Variants in CHPT1 observed in about 807,000 individuals in gnomAD.
CHPT1 encodes choline phosphotransferase 1.
Under a neutral mutation model 47.6 loss-of-function variants are expected in CHPT1, and 36 were observed. The ratio of observed to expected loss-of-function variants is 0.76; its 90% CI spans 0.58 to 1.00. The LOEUF is 1.00. CHPT1 is among the 50% of genes least tolerant of loss of function. The pLI is 0.00. For missense variants in CHPT1, 458 were observed against 498.1 expected (o/e 0.92, Z 0.77); for synonymous variants, 194 against 186.3 (o/e 1.04, Z -0.33).
At chr12:101,728,735 C>A in intron 8 of CHPT1, 166 bp from the exon 9 acceptor site, 1 of 714,828 alleles carries the variant, frequency 1.4e-6, no homozygotes, top group South Asian at 2.0e-5. Context: ...AATACATATT[C>A]TTTAGGAATA....
At chr12:101,717,568 ATAT>A (rs375879506) in intron 4 of CHPT1, among the ~76,000 whole-genome samples, 1 of 152,188 alleles carries the variant, frequency 6.6e-6, no homozygotes, top group Non-Finnish European at 1.5e-5. Flanking sequence ...TATAAAATAG[ATAT>A]TATTAGTATT....
At chr12:101,725,290 G>C (rs745691897) in intron 7 of CHPT1, among the ~76,000 whole-genome samples, 1 of 151,618 alleles carries the variant, frequency 6.6e-6, no homozygotes, top group Non-Finnish European at 1.5e-5. Context: ...GGTGGACAAT[G>C]AACGTTTTCA....
chr12:101,705,333 G>GT (rs1951616389), intron 1 of CHPT1, among the ~76,000 whole-genome samples: 2 of 90,570 alleles, frequency 2.2e-5, no homozygotes, highest in Non-Finnish European at 4.1e-5. Context: ...AAAGTGCTGG[G>GT]ATTACAGGCA....
intron 7 of CHPT1, among the ~76,000 whole-genome samples, chr12:101,724,202 C>T (rs1173456709): frequency 1.4e-5 from 2 of 144,848 alleles, no homozygotes; most frequent in Non-Finnish European, 3.0e-5. Flanking sequence ...CTGGGTGACA[C>T]AGCGAGACTG....
Position 101,723,749 on chromosome 12 carries a change from T to A in CHPT1, c.967T>A (p.Tyr323Asn). ...VVAHMTKSEL[Y>N]LQDTVFLGPG... ...AGCTCACATGACCAAAAGTGAACTA[T>A]ATCTTCAAGACACTGTCTTTTTGGG... Residue 323 changes from tyrosine to asparagine, a missense_variant, in exon 7 of 9, where the codon TAT (tyrosine) becomes AAT (asparagine). Physicochemically the swap from Tyr to Asn is moderately radical, Grantham distance 143. Coordinates refer to ENST00000229266, the MANE Select transcript of CHPT1 (RefSeq NM_020244.3). The A allele has an allele frequency of 6.3e-7, 1 of 1,581,170 alleles. No individual in the cohort carries two copies.
Position 101,716,792 on chromosome 12 carries a change from G to A in CHPT1, c.628G>A (p.Ala210Thr). Residue 210 changes from alanine to threonine, a missense_variant, in exon 4 of 9, where the codon GCA becomes ACA. Coordinates refer to ENST00000229266, the MANE Select transcript of CHPT1 (RefSeq NM_020244.3). ...CTTTGTGTTGTCTGCATTTGGAGGA[G>A]CAACAATGTGGGACTATACGGTAAA... ...IVFVLSAFGG[A>T]TMWDYTIPIL... 1 of 1,603,262 alleles carries A rather than the reference G, an allele frequency of 6.2e-7. No homozygotes were observed. The highest frequency in any genetic ancestry group is 2.2e-5 in the East Asian group (1 of 44,552).
intron 1 of CHPT1, among the ~76,000 whole-genome samples, chr12:101,713,745 G>A (rs1010153600): frequency 3.2e-4 from 48 of 152,006 alleles, no homozygotes; most frequent in African/African-American, 1.1e-3. Context: ...TGGCCCCTAA[G>A]GTCTTTTTTC....
intron 5 of CHPT1, 129 bp from the exon 6 acceptor site, chr12:101,723,039 T>C (rs1594143099): frequency 5.2e-6 from 4 of 765,992 alleles, no homozygotes; most frequent in Non-Finnish European, 8.6e-6. Context: ...GTTTGTATAC[T>C]CCTGTAGGCC....
intron 7 of CHPT1, 36 bp downstream of exon 7, chr12:101,723,883 A>G (rs756286764): frequency 1.4e-6 from 2 of 1,421,290 alleles, no homozygotes; most frequent in Admixed American, 1.8e-5. Flanking sequence ...ATTTTTTAAC[A>G]ATGCTTAAGA....
chr12:101,716,697 A>T, intron 3 of CHPT1, 31 bp from the exon 4 acceptor site: 1 of 1,416,956 alleles, frequency 7.1e-7, no homozygotes. Context: ...ATTTACAAAC[A>T]CCTTATCTAT....
chr12:101,728,918 A>G lies in CHPT1; in HGVS notation c.1194A>G (p.Ser398=). Reference sequence around the variant, plus strand: ...TTACTTAGGTTCAAGTTCTTTCTTCAAAGAGTCATCAGAATAACATGGATT... The same window carrying G: ...TTACTTAGGTTCAAGTTCTTTCTTCGAAGAGTCATCAGAATAACATGGATT... ...QAPEQVQVLS[S]KSHQNNMD Residue 398 remains serine (S), a synonymous_variant, in exon 9 of 9, where the codon TCA becomes TCG. Coordinates refer to ENST00000229266, the MANE Select transcript of CHPT1 (RefSeq NM_020244.3). 1 of 1,613,482 alleles carries G rather than the reference A, an allele frequency of 6.2e-7. No individual in the cohort carries two copies. The highest frequency in any genetic ancestry group is 8.5e-7 in the Non-Finnish European group (1 of 1,179,650).
At chr12:101,703,199 G>A (rs1951578871) in intron 1 of CHPT1, among the ~76,000 whole-genome samples, 1 of 152,186 alleles carries the variant, frequency 6.6e-6, no homozygotes, top group Admixed American at 6.5e-5. Context: ...GAACAGAACA[G>A]AAGCAACCCA....
chr12:101,721,995 G>T (rs1260563262), intron 5 of CHPT1, among the ~76,000 whole-genome samples: 6 of 151,666 alleles, frequency 4.0e-5, no homozygotes. Context: ...GGAGGCGGAG[G>T]TTGCAGTAAG....
chr12:101,709,261 G>A (rs1951673348), intron 1 of CHPT1, among the ~76,000 whole-genome samples: 1 of 147,142 alleles, frequency 6.8e-6, no homozygotes, highest in Admixed American at 7.0e-5. Context: ...ACCAGGCATG[G>A]TGGTGCACAC....
chr12:101,698,102 C>T lies in CHPT1; in HGVS notation c.241C>T (p.Leu81Phe), dbSNP rs765204489. Residue 81 changes from leucine to phenylalanine, a missense_variant, in exon 1 of 9, where the codon CTC becomes TTC. Coordinates refer to ENST00000229266, the MANE Select transcript of CHPT1 (RefSeq NM_020244.3). Reference protein sequence around the residue: ...LAVNVVTTLVLISYCPTATEE... With the variant: ...LAVNVVTTLVFISYCPTATEE... ...CGTCAACGTGGTCACCACGCTCGTG[C>T]TCATCTCCTACTGTCCCACGGCCAC... The T allele has an allele frequency of 1.3e-6, 2 of 1,552,500 alleles. No individual in the cohort carries two copies. The highest frequency in any genetic ancestry group is 1.7e-6 in the Non-Finnish European group (2 of 1,157,068).
intron 1 of CHPT1, among the ~76,000 whole-genome samples, chr12:101,708,382 TTTTG>T (rs908047714): frequency 1.3e-5 from 2 of 152,116 alleles, no homozygotes; most frequent in Non-Finnish European, 2.9e-5. Context: ...TTAGTAGTTA[TTTTG>T]TTTTCTAGAA....
At position 101,714,573 on chromosome 12, in the gene CHPT1, C is replaced by G. The variant is rs1318560812; in HGVS notation, c.491C>G (p.Ser164Cys). ...TATCCTGACTGGTTTTTTTTCTGCT[C>G]TTTTATTGGGATGTTTGTGTTTTAT... ...GTYPDWFFFCSFIGMFVFYCA... is the reference protein window; with the variant it reads ...GTYPDWFFFCCFIGMFVFYCA... Residue 164 changes from serine to cysteine, a missense_variant, in exon 3 of 9, where the codon TCT becomes TGT. Coordinates refer to ENST00000229266, the MANE Select transcript of CHPT1 (RefSeq NM_020244.3). 1 of 1,611,658 alleles carries G rather than the reference C, an allele frequency of 6.2e-7. No individual in the cohort carries two copies. Among genetic ancestry groups the G allele is most frequent in the South Asian group, 1.1e-5 (1 of 90,808 alleles).
At chr12:101,704,075 A>G (rs139696841) in intron 1 of CHPT1, among the ~76,000 whole-genome samples, 44 of 152,298 alleles carry the variant, frequency 2.9e-4, no homozygotes, top group Non-Finnish European at 5.4e-4. Flanking sequence ...CAATGTTTGG[A>G]TAATTGAAAT....
chr12:101,719,947 A>AGTT lies in CHPT1; in HGVS notation c.649-176_649-175insGTT, dbSNP rs960732907. Reference sequence around the variant, plus strand: ...AATAATAAAAATTTAAAAACTAAAAAAAAAAGTTAAAAAAAAGTTTTTAAG... The same window carrying AGTT: ...AATAATAAAAATTTAAAAACTAAAAAGTTAAAAAGTTAAAAAAAAGTTTTTAAG... On this transcript the variant is annotated intron_variant, in intron 4 of 8. Coordinates refer to ENST00000229266, the MANE Select transcript of CHPT1 (RefSeq NM_020244.3). 3 of 349,230 alleles carry AGTT rather than the reference A, an allele frequency of 8.6e-6. No homozygotes were observed. The African/African-American group carries it at 1.2e-4, about 14-fold the overall frequency. 21.6% of individuals were successfully genotyped at this position (349,230 alleles called of 1,614,324 possible). A position where few individuals can be genotyped will look rare whatever the true frequency, so the allele number is the denominator to read the frequency against.
Sources: allele counts gnomAD v4.1 joint callset (sites outside exome capture counted in the v4.1 genomes callset), GRCh38; gene constraint gnomAD v4.1.1; transcripts MANE v1.5; gene names NCBI Gene and HGNC (gene_info 2026-07-23, HGNC 2026-07-21).